ITGAV: variants seen among roughly 807,000 people sequenced by gnomAD.
ITGAV encodes integrin alpha-V.
Under a neutral mutation model 143.8 loss-of-function variants are expected in ITGAV, and 76 were observed. The observed-to-expected ratio is 0.53, with a 90% CI of 0.44 to 0.64. ITGAV has a LOEUF of 0.64. Ranked by LOEUF, ITGAV falls within the 30% of genes least tolerant of loss-of-function variation. The pLI is 0.00. For missense variants in ITGAV, 1,193 were observed against 1,274.7 expected (o/e 0.94, Z 0.98); for synonymous variants, 453 against 446.7 (o/e 1.01, Z -0.18).
At chr2:186,643,119 GA>G (rs1276085772) in intron 12 of ITGAV, among the ~76,000 whole-genome samples, 1 of 152,176 alleles carries the variant, frequency 6.6e-6, no homozygotes, top group East Asian at 1.9e-4. Context: ...GGTTTTCTGG[GA>G]AGCCTGGTCA....
At chr2:186,640,856 T>A (rs1688082435) in intron 10 of ITGAV, 59 bp from the exon 11 acceptor site, 2 of 1,339,062 alleles carry the variant, frequency 1.5e-6, no homozygotes, top group Non-Finnish European at 1.0e-6. Flanking sequence ...ATTACAAATG[T>A]TAATTGTCTA....
rs775073468 is a variant in ITGAV, at chr2:186,646,770, C to T, written c.1244C>T (p.Ala415Val). ...AATGGAAGATCAACAGGCTTGAACG[C>T]AGTCCCATCTCAAATCCTTGAAGGG... The part of the protein sequence containing the change: ...IFNGRSTGLN[A>V]VPSQILEGQW... The change falls in exon 13 of 30, where the codon GCA becomes GTA. Residue 415 changes from alanine (A) to valine (V), a missense_variant. Physicochemically the swap from Ala to Val is moderately conservative, Grantham distance 64. Transcript: ENST00000261023. The T allele has an allele frequency of 6.2e-7, 1 of 1,613,162 alleles. No homozygotes were observed. The highest frequency in any genetic ancestry group is 1.3e-5 in the African/African-American group (1 of 75,040).
chr2:186,608,932 C>T (rs765796707), intron 2 of ITGAV, among the ~76,000 whole-genome samples: 3 of 152,148 alleles, frequency 2.0e-5, no homozygotes, highest in Non-Finnish European at 4.4e-5. Context: ...GCTGGTACTG[C>T]TATTGCTGAA....
intron 26 of ITGAV, among the ~76,000 whole-genome samples, chr2:186,674,941 C>A (rs1689167585): frequency 6.6e-6 from 1 of 152,136 alleles, no homozygotes; most frequent in African/African-American, 2.4e-5. Flanking sequence ...TAGCTGTGGG[C>A]TTTTTATCAA....
intron 14 of ITGAV, among the ~76,000 whole-genome samples, chr2:186,650,891 A>G (rs1270929186): frequency 6.6e-6 from 1 of 152,116 alleles, no homozygotes. Context: ...ATTCTCCTGT[A>G]GTTTTAATCT....
In ITGAV at chr2:186,669,040, A is replaced by T. The variant is rs2105747794; in HGVS notation, c.2592+120A>T. On this transcript the variant is annotated intron_variant, in intron 25 of 29. Coordinates refer to ENST00000261023, the MANE Select transcript of ITGAV (RefSeq NM_002210.5). ...TAATATAAAACCCACTCTGCAAAAA[A>T]TGGTTTAGTTCATAAGCAGTACACT... 9.1e-6 allele frequency: 8 copies of T among 876,450 alleles called. No homozygotes were observed. The South Asian group carries it at 1.5e-4, about 16-fold the overall frequency. The allele number at this position is 876,450 out of a possible 1,614,324, so 54.3% of individuals were successfully genotyped here.
chr2:186,616,273 A>ATTT (rs35938539), intron 2 of ITGAV, among the ~76,000 whole-genome samples: 38 of 79,656 alleles, frequency 4.8e-4, no homozygotes, highest in African/African-American at 1.5e-3. Flanking sequence ...GATATACCTT[A>ATTT]TTTTTTTTTT....
At position 186,676,938 on chromosome 2, in the gene ITGAV, A is replaced by G. The variant is rs781750232; in HGVS notation, c.3051+3A>G. 11 of 1,612,832 alleles carry G rather than the reference A, an allele frequency of 6.8e-6. No homozygotes were observed. Among genetic ancestry groups the G allele is most frequent in the Non-Finnish European group, 8.5e-6 (10 of 1,179,556 alleles). ...TTTTGGTATTTGTAATGTACAGGGTAAGTAACGGACTTAGAAAGAAGGAGA... is the reference window on the plus strand; with the variant it reads ...TTTTGGTATTTGTAATGTACAGGGTGAGTAACGGACTTAGAAAGAAGGAGA... On this transcript the variant is annotated splice_donor_region_variant and intron_variant, in intron 29 of 29. Transcript: ENST00000261023.
At chr2:186,633,189 G>C (rs945978827) in intron 5 of ITGAV, 140 bp from the exon 6 acceptor site, 1 of 353,954 alleles carries the variant, frequency 2.8e-6, no homozygotes, top group African/African-American at 2.2e-5. Context: ...TAATTAACCT[G>C]GTAATGATAT....
intron 22 of ITGAV, 38 bp from the exon 23 acceptor site, chr2:186,667,112 G>A (rs1688920485): frequency 6.7e-7 from 1 of 1,497,496 alleles, no homozygotes; most frequent in Non-Finnish European, 9.2e-7. Flanking sequence ...TGGTTGTTAT[G>A]CATAATTCAT....
intron 10 of ITGAV, among the ~76,000 whole-genome samples, chr2:186,639,052 G>A (rs1328370452): frequency 6.6e-6 from 1 of 151,884 alleles, no homozygotes; most frequent in Non-Finnish European, 1.5e-5. Context: ...GCAACAGAAA[G>A]CATGGCACAG....
At chr2:186,605,805 C>T (rs1162175962) in intron 2 of ITGAV, among the ~76,000 whole-genome samples, 1 of 134,408 alleles carries the variant, frequency 7.4e-6, no homozygotes, top group Admixed American at 7.5e-5. Context: ...ATAATATATT[C>T]TTATGTATAT....
At chr2:186,621,997 A>G (rs1332264351) in intron 2 of ITGAV, among the ~76,000 whole-genome samples, 1 of 152,196 alleles carries the variant, frequency 6.6e-6, no homozygotes, top group East Asian at 1.9e-4. Flanking sequence ...TGCCCCACCG[A>G]AAGATCTTCT....
chr2:186,658,710 AAG>A (rs771357907), intron 17 of ITGAV, among the ~76,000 whole-genome samples: 22 of 152,112 alleles, frequency 1.4e-4, no homozygotes, highest in Non-Finnish European at 2.8e-4. Flanking sequence ...GAGGAAGAGA[AAG>A]AAGTATTTGG....
chr2:186,618,412 G>T (rs1048951885), intron 2 of ITGAV, among the ~76,000 whole-genome samples: 1 of 152,142 alleles, frequency 6.6e-6, no homozygotes, highest in Non-Finnish European at 1.5e-5. Flanking sequence ...TGTCAAATTT[G>T]TACTGATTTT....
intron 25 of ITGAV, among the ~76,000 whole-genome samples, 190 bp from the exon 26 acceptor site, chr2:186,669,511 G>C (rs1048963404): frequency 2.0e-5 from 3 of 151,988 alleles, no homozygotes; most frequent in Non-Finnish European, 4.4e-5. Flanking sequence ...TAACTTTTTT[G>C]GTACATATTA....
At chr2:186,605,583 C>T (rs1687035922) in intron 2 of ITGAV, among the ~76,000 whole-genome samples, 1 of 151,894 alleles carries the variant, frequency 6.6e-6, no homozygotes, top group Non-Finnish European at 1.5e-5. Context: ...TCCATGAGGA[C>T]CGTTTTTTAT....
At chr2:186,644,952 T>C (rs1461765795) in intron 12 of ITGAV, among the ~76,000 whole-genome samples, 1 of 152,144 alleles carries the variant, frequency 6.6e-6, no homozygotes, top group Non-Finnish European at 1.5e-5. Flanking sequence ...AGGCATGGCT[T>C]ATTAAGGAGC....
intron 2 of ITGAV, among the ~76,000 whole-genome samples, chr2:186,617,359 A>G (rs542093823): frequency 6.6e-6 from 1 of 152,346 alleles, no homozygotes; most frequent in African/African-American, 2.4e-5. Flanking sequence ...TGTGTTGACA[A>G]TGCCTTTGGA....
Sources: allele counts gnomAD v4.1 joint callset (sites outside exome capture counted in the v4.1 genomes callset), GRCh38; gene constraint gnomAD v4.1.1; transcripts MANE v1.5; gene names NCBI Gene and HGNC (gene_info 2026-07-23, HGNC 2026-07-21).